Variants in NAALADL2 observed in about 807,000 individuals in gnomAD.
NAALADL2 encodes the protein inactive N-acetylated-alpha-linked acidic dipeptidase-like protein 2.
A neutral mutation model predicts 87.2 loss-of-function variants in NAALADL2; 76 were observed. The ratio of observed to expected loss-of-function variants is 0.87; its 90% confidence interval spans 0.72 to 1.05. The LOEUF (loss-of-function observed/expected upper bound fraction) is 1.05. NAALADL2 is among the 50% of genes least tolerant of loss of function. The pLI, the probability that NAALADL2 is intolerant of heterozygous loss-of-function variation, is 0.00. For synonymous variants in NAALADL2, 354 were observed against 331.0 expected, an observed-to-expected ratio of 1.07 and a Z score of -0.75; for missense variants, 1,089 against 945.8, an observed-to-expected ratio of 1.15 and a Z score of -1.99.
At chr3:175,222,011 A>G (rs1414968311) in intron 2 of NAALADL2, among the ~76,000 whole-genome samples, 1 of 151,902 alleles carries the variant, frequency 6.6e-6, no homozygotes, top group Non-Finnish European at 1.5e-5. Context: ...CGAACTCCCG[A>G]GCTCAGGGAA....
chr3:174,771,949 C>T (rs540064953), intron 3 of NAALADL2, among the ~76,000 whole-genome samples: 8 of 152,282 alleles, frequency 5.3e-5, no homozygotes, highest in South Asian at 2.1e-4. Context: ...TCTTATCAAA[C>T]ATATGTGATC....
At chr3:175,235,941 A>G (rs545376425) in intron 3 of NAALADL2, 1 of 152,314 alleles carries the variant, frequency 6.6e-6, no homozygotes, top group Admixed American at 6.5e-5. Flanking sequence ...TAATTTATTT[A>G]AATAAGTTCC....
chr3:175,151,893 G>C (rs1731600021), intron 2 of NAALADL2, among the ~76,000 whole-genome samples: 1 of 152,150 alleles, frequency 6.6e-6, no homozygotes, highest in Admixed American at 6.6e-5. Context: ...TACATCATCA[G>C]TGAAGGGAAC....
chr3:175,397,030 T>G (rs1240412602), intron 5 of NAALADL2, among the ~76,000 whole-genome samples: 2 of 152,052 alleles, frequency 1.3e-5, no homozygotes, highest in African/African-American at 4.8e-5. Context: ...TATTTTACAT[T>G]TAAAAATATA....
intron 11 of NAALADL2, among the ~76,000 whole-genome samples, chr3:175,635,212 TCA>T (rs1414717746): frequency 1.3e-5 from 2 of 152,100 alleles, no homozygotes; most frequent in Non-Finnish European, 2.9e-5. Context: ...CCTTATACTA[TCA>T]GTTTCTCTTT....
intron 3 of NAALADL2, among the ~76,000 whole-genome samples, chr3:174,801,020 A>T (rs1477160883): frequency 6.6e-6 from 1 of 152,140 alleles, no homozygotes; most frequent in Admixed American, 6.5e-5. Context: ...GATTTTACAG[A>T]GTCATAGGTG....
intron 1 of NAALADL2, among the ~76,000 whole-genome samples, chr3:174,448,370 TC>T (rs149173209): frequency 0.014 from 2,181 of 152,252 alleles, 48 homozygotes; most frequent in African/African-American, 0.05. Context: ...ACCACAAATA[TC>T]CCTCTTACAG....
intron 1 of NAALADL2, among the ~76,000 whole-genome samples, chr3:174,867,752 C>T (rs1029045804): frequency 1.3e-5 from 2 of 151,972 alleles, no homozygotes; most frequent in Non-Finnish European, 2.9e-5. Context: ...AATAAAAGAA[C>T]CATTGGCAAA....
At chr3:175,356,780 T>C (rs1244025885) in intron 5 of NAALADL2, among the ~76,000 whole-genome samples, 1 of 151,900 alleles carries the variant, frequency 6.6e-6, no homozygotes, top group African/African-American at 2.4e-5. Flanking sequence ...GAAGCCACAA[T>C]GGAAAAAGTG....
At chr3:174,653,669 T>C (rs1724609775) in intron 2 of NAALADL2, among the ~76,000 whole-genome samples, 1 of 152,112 alleles carries the variant, frequency 6.6e-6, no homozygotes, top group Non-Finnish European at 1.5e-5. Flanking sequence ...ATAGGATTCA[T>C]ATATATGGAC....
At chr3:174,727,897 C>T (rs1378693023) in intron 2 of NAALADL2, among the ~76,000 whole-genome samples, 1 of 152,086 alleles carries the variant, frequency 6.6e-6, no homozygotes, top group Non-Finnish European at 1.5e-5. Flanking sequence ...CCCCTAAACC[C>T]TAGGTGAGCA....
intron 4 of NAALADL2, among the ~76,000 whole-genome samples, chr3:175,322,600 G>A (rs1329847899): frequency 1.0e-4 from 12 of 114,800 alleles, no homozygotes; most frequent in Non-Finnish European, 1.3e-4. Flanking sequence ...CTGACAAAGG[G>A]CTAATATCCA....
At chr3:175,572,315 T>C (rs1435954092) in intron 9 of NAALADL2, among the ~76,000 whole-genome samples, 3 of 151,610 alleles carry the variant, frequency 2.0e-5, no homozygotes, top group African/African-American at 2.4e-5. Context: ...ACATGTAGCA[T>C]CAGAGATGTA....
At chr3:174,656,310 A>C (rs1027231137) in intron 2 of NAALADL2, among the ~76,000 whole-genome samples, 2 of 152,216 alleles carry the variant, frequency 1.3e-5, no homozygotes, top group African/African-American at 4.8e-5. Context: ...AAGGATAGAG[A>C]AATTTCCAAA....
intron 4 of NAALADL2, among the ~76,000 whole-genome samples, chr3:175,267,090 A>G (rs541543262): frequency 6.6e-6 from 1 of 151,840 alleles, no homozygotes; most frequent in Non-Finnish European, 1.5e-5. Context: ...CCTTCTTCCA[A>G]TTATACTATT....
intron 2 of NAALADL2, among the ~76,000 whole-genome samples, chr3:174,569,729 C>A (rs1308385559): frequency 2.0e-5 from 3 of 152,124 alleles, no homozygotes; most frequent in Non-Finnish European, 4.4e-5. Context: ...TTTAGCTGTA[C>A]TGCTATGAGA....
intron 1 of NAALADL2, among the ~76,000 whole-genome samples, chr3:174,976,447 A>T (rs1403026053): frequency 6.6e-6 from 1 of 152,230 alleles, no homozygotes; most frequent in Non-Finnish European, 1.5e-5. Flanking sequence ...TTTCTGGAAG[A>T]GAGCTATGAG....
chr3:174,779,567 G>A (rs1041543507), intron 3 of NAALADL2, among the ~76,000 whole-genome samples: 2 of 152,094 alleles, frequency 1.3e-5, no homozygotes, highest in Non-Finnish European at 2.9e-5. Context: ...TGTCCTGAAT[G>A]GTATTGCCTA....
chr3:174,658,529 G>A (rs1213332135), intron 2 of NAALADL2, among the ~76,000 whole-genome samples: 2 of 152,036 alleles, frequency 1.3e-5, no homozygotes, highest in Non-Finnish European at 2.9e-5. Context: ...TTCCAGACAT[G>A]TCTTTTTGCA....
Sources: allele counts gnomAD v4.1 joint callset (sites outside exome capture counted in the v4.1 genomes callset), GRCh38; gene constraint gnomAD v4.1.1; transcripts MANE v1.5; gene names NCBI Gene and HGNC (gene_info 2026-07-23, HGNC 2026-07-21).